The following CFAP54 variants were observed in gnomAD, a reference collection of about 807,000 sequenced individuals.
The protein encoded by CFAP54 is cilia and flagella associated protein 54.
A neutral mutation model predicts 370.4 loss-of-function variants in CFAP54; 290 were observed. That is an observed-to-expected ratio of 0.78 (90% CI 0.71 to 0.86). CFAP54 has a LOEUF of 0.86. Among genes scored for constraint, CFAP54 ranks in the 40% least tolerant of loss-of-function variants. The pLI is 0.00. For missense variants in CFAP54, 3,399 were observed against 3,528.7 expected (o/e 0.96, Z 0.93); for synonymous variants, 1,206 against 1,236.5 (o/e 0.98, Z 0.52).
chr12:96,680,901 T>C (rs10860067), intron 40 of CFAP54, among the ~76,000 whole-genome samples: 23,481 of 152,096 alleles, frequency 0.15, 2,322 homozygotes, highest in East Asian at 0.48. Flanking sequence ...CTGGCCAACA[T>C]AGTGAAACCC....
At chr12:96,703,263 G>A in intron 46 of CFAP54, among the ~76,000 whole-genome samples, 1 of 152,222 alleles carries the variant, frequency 6.6e-6, no homozygotes, top group East Asian at 1.9e-4. Context: ...AATCCAGAGA[G>A]TGTGAACGAG....
chr12:96,797,416 G>A (rs892763972), intron 63 of CFAP54, among the ~76,000 whole-genome samples: 2 of 151,942 alleles, frequency 1.3e-5, no homozygotes, highest in Non-Finnish European at 2.9e-5. Flanking sequence ...TAATTACTAA[G>A]AGAAGTATGT....
intron 62 of CFAP54, among the ~76,000 whole-genome samples, chr12:96,790,476 T>C (rs140298551): frequency 2.6e-4 from 39 of 152,340 alleles, no homozygotes; most frequent in African/African-American, 8.2e-4. Context: ...TTGACTTATG[T>C]TTATAATTTA....
At chr12:96,753,478 G>T (rs539080175) in intron 55 of CFAP54, among the ~76,000 whole-genome samples, 5 of 152,226 alleles carry the variant, frequency 3.3e-5, no homozygotes, top group Non-Finnish European at 7.4e-5. Context: ...GAAGGAAAGG[G>T]TTTTGAGAGA....
chr12:96,728,726 G>T (rs964631745), intron 50 of CFAP54, among the ~76,000 whole-genome samples: 54 of 152,192 alleles, frequency 3.5e-4, no homozygotes, highest in Non-Finnish European at 7.2e-4. Flanking sequence ...GTGAGTAACT[G>T]TGTTCCTTTG....
At chr12:96,650,535 C>T (rs894980103) in intron 35 of CFAP54, among the ~76,000 whole-genome samples, 2 of 152,140 alleles carry the variant, frequency 1.3e-5, no homozygotes, top group African/African-American at 4.8e-5. Context: ...TCCTTCTTCC[C>T]ATCACTTCCA....
At chr12:96,693,838 A>G in intron 45 of CFAP54, 30 bp downstream of exon 45, 1 of 1,345,634 alleles carries the variant, frequency 7.4e-7, no homozygotes, top group Non-Finnish European at 1.1e-6. Flanking sequence ...GACATTTGAT[A>G]TTCTTGAACT....
At chr12:96,542,824 G>A (rs1414952593) in intron 14 of CFAP54, among the ~76,000 whole-genome samples, 1 of 152,056 alleles carries the variant, frequency 6.6e-6, no homozygotes. Flanking sequence ...TCCAAACAAG[G>A]CCCACACATT....
intron 60 of CFAP54, among the ~76,000 whole-genome samples, chr12:96,775,838 T>C (rs1001966303): frequency 6.6e-6 from 1 of 152,236 alleles, no homozygotes; most frequent in East Asian, 1.9e-4. Flanking sequence ...AATATTGCTT[T>C]CTTTTGGTTT....
chr12:96,805,998 C>T (rs1169792254), intron 63 of CFAP54, among the ~76,000 whole-genome samples: 1 of 149,868 alleles, frequency 6.7e-6, no homozygotes, highest in Non-Finnish European at 1.5e-5. Flanking sequence ...GGAAGCTAAA[C>T]AATGAATAAA....
intron 12 of CFAP54, among the ~76,000 whole-genome samples, chr12:96,537,917 A>G (rs963187567): frequency 2.0e-5 from 3 of 151,980 alleles, no homozygotes; most frequent in African/African-American, 7.3e-5. Context: ...GTGAAACTCC[A>G]TATCTACTAA....
chr12:96,708,566 T>C, intron 47 of CFAP54, 42 bp from the exon 48 acceptor site: 1 of 1,498,232 alleles, frequency 6.7e-7, no homozygotes, highest in Non-Finnish European at 9.1e-7. Flanking sequence ...TCTGAAAAAG[T>C]ATTTTTCTAA....
intron 45 of CFAP54, 90 bp downstream of exon 45, chr12:96,693,898 A>G (rs1782186322): frequency 6.4e-6 from 5 of 779,604 alleles, no homozygotes; most frequent in Middle Eastern, 2.7e-4. Flanking sequence ...TATAATAACA[A>G]GCTGATAATA....
intron 62 of CFAP54, 94 bp downstream of exon 62, chr12:96,786,992 A>G: frequency 1.1e-6 from 1 of 933,632 alleles, no homozygotes; most frequent in South Asian, 1.8e-5. Context: ...ATGCTGGCAC[A>G]GATTTCTACT....
intron 32 of CFAP54, among the ~76,000 whole-genome samples, chr12:96,640,091 A>G (rs1472762859): frequency 2.6e-5 from 4 of 152,050 alleles, no homozygotes; most frequent in Admixed American, 6.6e-5. Flanking sequence ...CAATCAGGCA[A>G]GAGAAGGAAA....
intron 39 of CFAP54, among the ~76,000 whole-genome samples, chr12:96,673,794 C>T (rs529233733): frequency 1.3e-5 from 2 of 152,148 alleles, no homozygotes; most frequent in Non-Finnish European, 2.9e-5. Context: ...AGTGGTGATG[C>T]GATACATTTA....
intron 66 of CFAP54, among the ~76,000 whole-genome samples, chr12:96,850,886 G>A (rs556171647): frequency 1.2e-4 from 18 of 152,210 alleles, no homozygotes; most frequent in African/African-American, 4.3e-4. Flanking sequence ...ACAGCATGGA[G>A]GAAACCACCC....
intron 48 of CFAP54, among the ~76,000 whole-genome samples, chr12:96,716,710 A>T (rs1475736361): frequency 6.6e-6 from 1 of 152,164 alleles, no homozygotes; most frequent in Non-Finnish European, 1.5e-5. Context: ...CTCTGCTCTG[A>T]CCTTGCCTAG....
At chr12:96,818,088 G>A (rs1269315828) in intron 65 of CFAP54, among the ~76,000 whole-genome samples, 175 bp downstream of exon 65, 1 of 152,148 alleles carries the variant, frequency 6.6e-6, no homozygotes, top group African/African-American at 2.4e-5. Flanking sequence ...AAGGTCTGAA[G>A]GTCTTCTAAG....
Sources: gnomAD v4.1 joint callset for allele counts (sites outside exome capture counted in the v4.1 genomes callset) on GRCh38, gnomAD v4.1.1 for gene constraint, MANE v1.5 for transcripts, NCBI Gene and HGNC (gene_info 2026-07-23, HGNC 2026-07-21) for gene names.